DERA: variants seen among roughly 807,000 people sequenced by gnomAD.
The protein encoded by DERA is 2-deoxy-D-ribose 5-phosphate aldolase.
In DERA, 15 loss-of-function variants were observed where a neutral mutation model predicts 41.1. The ratio of observed to expected loss-of-function variants is 0.37; its 90% CI spans 0.24 to 0.56. The LOEUF is 0.56. DERA is among the 20% of genes least tolerant of loss of function. The pLI is 0.81. For missense variants in DERA, 396 were observed against 403.4 expected, an observed-to-expected ratio of 0.98 and a Z score of 0.16; for synonymous variants, 139 against 137.4, an observed-to-expected ratio of 1.01 and a Z score of -0.08.
chr12:15,911,747 C>T lies in DERA; in HGVS notation c.31+333C>T, dbSNP rs964840724. The T allele has an allele frequency of 1.0e-5, 6 of 595,862 alleles. No individual in the cohort carries two copies. The highest frequency in any genetic ancestry group is 9.1e-5 in the African/African-American group (5 of 54,656). The allele number at this position is 595,862 out of a possible 1,614,324, so 36.9% of individuals were successfully genotyped here. ...AACAAAACCCAAAACAAACAACCCC[C>T]AAGCAGGTAAAAACAGATAAAAACC... On this transcript the variant is annotated intron_variant, in intron 1 of 8. Transcript: ENST00000428559. The surrounding 1 kb of genome is among the most constrained non-coding windows in gnomAD (Gnocchi z 4.5).
chr12:15,951,537 T>TTGAA (rs1948497400), intron 1 of DERA: 1 of 152,352 alleles, frequency 6.6e-6, no homozygotes, highest in Admixed American at 6.5e-5. Flanking sequence ...CCTTTCATTC[T>TTGAA]ACCTGTCCTT....
chr12:16,035,530 A>G lies in DERA; in HGVS notation c.751-702A>G, dbSNP rs889910276. Among the ~76,000 whole-genome samples, 1 of 152,158 alleles carries G rather than the reference A, an allele frequency of 6.6e-6. No individual in the cohort carries two copies. The highest frequency in any genetic ancestry group is 2.4e-5 in the African/African-American group (1 of 41,444). ...ATGGATCCAGGGACATCATTTACGAATATCAGATATTGGCTGAATTCAGCT... is the reference window on the plus strand; with the variant it reads ...ATGGATCCAGGGACATCATTTACGAGTATCAGATATTGGCTGAATTCAGCT... On this transcript the variant is annotated intron_variant, in intron 7 of 8. Coordinates refer to ENST00000428559, the MANE Select transcript of DERA (RefSeq NM_015954.4). The surrounding 1 kb of genome is among the most constrained non-coding windows in gnomAD (Gnocchi z 4.1).
Position 15,913,248 on chromosome 12 carries a change from A to G in DERA, c.31+1834A>G, listed in dbSNP as rs1202833186. Among the ~76,000 whole-genome samples the G allele has an allele frequency of 1.3e-5, 2 of 152,216 alleles. No individual in the cohort carries two copies. Among genetic ancestry groups the G allele is most frequent in the Non-Finnish European group, 2.9e-5 (2 of 68,038 alleles). On this transcript the variant is annotated intron_variant, in intron 1 of 8. Transcript: ENST00000428559. The surrounding 1 kb of genome is among the most constrained non-coding windows in gnomAD (Gnocchi z 4.5). Reference sequence around the variant, plus strand: ...TAATTGCCAGGTAGAACAATAGTAAATGTGGTTTTTATGCAGCTATCGAAA... The same window carrying G: ...TAATTGCCAGGTAGAACAATAGTAAGTGTGGTTTTTATGCAGCTATCGAAA...
chr12:15,922,798 G>T lies in DERA; in HGVS notation c.31+11384G>T, dbSNP rs1477450111. ...GTGGAACCTTGCGGGGTGGGGAGGG[G>T]CTTCAGTACATTGGCTTGTACTTTC... On this transcript the variant is annotated intron_variant, in intron 1 of 8. Transcript: ENST00000428559. This position sits in a 1 kb window ranked among gnomAD's most constrained non-coding sequence, Gnocchi z 4.9. Among the ~76,000 whole-genome samples, 2 of 152,104 alleles carry T rather than the reference G, an allele frequency of 1.3e-5. No individual in the cohort carries two copies. The highest frequency in any genetic ancestry group is 2.9e-5 in the Non-Finnish European group (2 of 68,024).
intron 1 of DERA, among the ~76,000 whole-genome samples, chr12:15,945,404 G>A (rs972696283): frequency 5.9e-5 from 9 of 152,014 alleles, no homozygotes; most frequent in Non-Finnish European, 8.8e-5. Flanking sequence ...CTTTGATTTC[G>A]TTGAGCAGTG....
rs1423513856 is a variant in DERA, at chr12:16,036,227, T to C, written c.751-5T>C. 1 of 1,594,274 alleles carries C rather than the reference T, an allele frequency of 6.3e-7. No individual in the cohort carries two copies. Among genetic ancestry groups the C allele is most frequent in the South Asian group, 1.1e-5 (1 of 87,720 alleles). ...GATTGTTCTATTCTCTGCCTTCCCA[T>C]TTAGATAGGGTTTAAACCAGCAGGA... On this transcript the variant is annotated splice_polypyrimidine_tract_variant and splice_region_variant and intron_variant, in intron 7 of 8. Transcript: ENST00000428559. The surrounding 1 kb of genome is among the most constrained non-coding windows in gnomAD (Gnocchi z 4.9).
chr12:16,018,796 TATA>T (rs1949000763), intron 6 of DERA, among the ~76,000 whole-genome samples: 1 of 152,076 alleles, frequency 6.6e-6, no homozygotes, highest in African/African-American at 2.4e-5. Context: ...TACAATTTAA[TATA>T]ATACTATAAA....
At chr12:15,971,160 C>A (rs1948657133) in intron 5 of DERA, among the ~76,000 whole-genome samples, 1 of 152,204 alleles carries the variant, frequency 6.6e-6, no homozygotes, top group African/African-American at 2.4e-5. Context: ...ACATAAATTT[C>A]TGTTTTCTGT....
intron 1 of DERA, chr12:15,956,624 C>T (rs1313685901): frequency 1.9e-5 from 8 of 410,624 alleles, no homozygotes; most frequent in Non-Finnish European, 2.4e-5. Context: ...CACACATTTC[C>T]CACGTCGTTA....
At chr12:15,960,636 C>CAAAAAAAAAAAAAA (rs1163104277) in intron 4 of DERA, among the ~76,000 whole-genome samples, 2 of 28,716 alleles carry the variant, frequency 7.0e-5, no homozygotes, top group African/African-American at 2.5e-4. Context: ...GACTCCGTCT[C>CAAAAAAAAAAAAAA]AAAAAAAAAA....
rs376861082 is a variant in DERA at position 15,994,537 on chromosome 12, T to C, written c.637+12101T>C. On this transcript the variant is annotated intron_variant, in intron 6 of 8. Transcript: ENST00000428559. The surrounding 1 kb of genome is among the most constrained non-coding windows in gnomAD (Gnocchi z 4.8). ...GGCGCGATCTCTGCTCACTGCAAGCTCTGCCTCCCGGGTTCACGCCATTCT... is the reference window on the plus strand; with the variant it reads ...GGCGCGATCTCTGCTCACTGCAAGCCCTGCCTCCCGGGTTCACGCCATTCT... Among the ~76,000 whole-genome samples the C allele has an allele frequency of 6.6e-6, 1 of 152,236 alleles. No individual in the cohort carries two copies. The highest frequency in any genetic ancestry group is 2.4e-5 in the African/African-American group (1 of 41,464).
chr12:15,976,117 C>T lies in DERA; in HGVS notation c.509-6191C>T, dbSNP rs926541695. Among the ~76,000 whole-genome samples the T allele has an allele frequency of 5.3e-5, 8 of 152,152 alleles. No individual in the cohort carries two copies. The highest frequency in any genetic ancestry group is 1.9e-4 in the African/African-American group (8 of 41,422). ...TAGAACTTACAACTTCACACTATAA[C>T]CTCTATTACACTCCAGCATTGCATG... is the stretch of plus-strand genomic sequence containing the variant. On this transcript the variant is annotated intron_variant, in intron 5 of 8. Coordinates refer to ENST00000428559, the MANE Select transcript of DERA (RefSeq NM_015954.4). The surrounding 1 kb of genome is among the most constrained non-coding windows in gnomAD (Gnocchi z 4.1).
rs1366993106 is a variant in DERA, at chr12:16,019,087, A to G, written c.638-13455A>G. 1.3e-5 allele frequency among the ~76,000 whole-genome samples: 2 copies of G among 152,200 alleles called. No homozygotes were observed. The highest frequency in any genetic ancestry group is 2.9e-5 in the Non-Finnish European group (2 of 68,024). ...TGCTGTGTGGTGTTGGTAATTCAAA[A>G]TGTAGCATTTATTTCTCTAAAGTAA... On this transcript the variant is annotated intron_variant, in intron 6 of 8. Coordinates refer to ENST00000428559, the MANE Select transcript of DERA (RefSeq NM_015954.4). This position sits in a 1 kb window ranked among gnomAD's most constrained non-coding sequence, Gnocchi z 4.4.
intron 6 of DERA, among the ~76,000 whole-genome samples, chr12:16,007,345 G>A (rs1415010781): frequency 5.3e-5 from 8 of 151,998 alleles, no homozygotes; most frequent in African/African-American, 1.4e-4. Flanking sequence ...CACCATGCCC[G>A]GCTAGCTTTT....
intron 1 of DERA, among the ~76,000 whole-genome samples, chr12:15,947,212 G>A (rs141929754): frequency 2.0e-5 from 3 of 152,316 alleles, no homozygotes; most frequent in African/African-American, 4.8e-5. Context: ...TTCTGTAGAT[G>A]TCTATTAGGT....
rs1948852234 is a variant in DERA, at chr12:15,998,249, G to T, written c.637+15813G>T. On this transcript the variant is annotated intron_variant, in intron 6 of 8. Coordinates refer to ENST00000428559, the MANE Select transcript of DERA (RefSeq NM_015954.4). This position sits in a 1 kb window ranked among gnomAD's most constrained non-coding sequence, Gnocchi z 4.8. ...TTCTCCAGTTGCTTCTGCTGTGTGGGCAGGAATGAGAACCTCTGATCTAGG... is the reference window on the plus strand; with the variant it reads ...TTCTCCAGTTGCTTCTGCTGTGTGGTCAGGAATGAGAACCTCTGATCTAGG... Among the ~76,000 whole-genome samples the T allele has an allele frequency of 6.6e-6, 1 of 152,172 alleles. No homozygotes were observed. The highest frequency in any genetic ancestry group is 2.4e-5 in the African/African-American group (1 of 41,438).
Position 15,956,773 on chromosome 12 carries a change from A to G in DERA, c.32-163A>G, listed in dbSNP as rs189429653. ...TATGCCTTTTGTTGACTGGTCTTCC[A>G]TCAATAAGGTTGTTTATTTATAGTT... is the stretch of plus-strand genomic sequence containing the variant. On this transcript the variant is annotated intron_variant, in intron 1 of 8. Coordinates refer to ENST00000428559, the MANE Select transcript of DERA (RefSeq NM_015954.4). 5.0e-4 allele frequency: 358 copies of G among 718,598 alleles called. 2 individuals carry two copies. Among genetic ancestry groups the G allele is most frequent in the Non-Finnish European group, 1.8e-4 (69 of 392,970 alleles). 44.5% of individuals were successfully genotyped at this position (718,598 alleles called of 1,614,324 possible).
intron 4 of DERA, 70 bp from the exon 5 acceptor site, chr12:15,962,743 C>T (rs1948596282): frequency 7.2e-7 from 1 of 1,386,216 alleles, no homozygotes; most frequent in African/African-American, 1.5e-5. Context: ...TTGTTTTCCC[C>T]TCCCCCCCTT....
At chr12:15,991,200 A>G (rs965926200) in intron 6 of DERA, among the ~76,000 whole-genome samples, 1 of 152,112 alleles carries the variant, frequency 6.6e-6, no homozygotes, top group Non-Finnish European at 1.5e-5. Context: ...GCGTTTCTCT[A>G]ATAATCAGTG....
Sources: gnomAD v4.1 joint callset for allele counts (sites outside exome capture counted in the v4.1 genomes callset) on GRCh38, gnomAD v4.1.1 for gene constraint, Gnocchi (gnomAD v3.1) non-coding constraint, MANE v1.5 for transcripts, NCBI Gene and HGNC (gene_info 2026-07-23, HGNC 2026-07-21) for gene names.